Variants in EMP1 observed in about 807,000 individuals in gnomAD.
EMP1 encodes epithelial membrane protein 1, also known as tumor-associated membrane protein.
Under a neutral mutation model 15.7 loss-of-function variants are expected in EMP1, and 5 were observed. The ratio of observed to expected loss-of-function variants is 0.32; its 90% CI spans 0.17 to 0.67. The LOEUF (loss-of-function observed/expected upper bound fraction) is 0.67. EMP1 is among the 30% of genes least tolerant of loss of function. The probability of loss-of-function intolerance (pLI) is 0.74; values close to 1 mark genes in which losing one functional copy is unlikely to be tolerated. For missense variants in EMP1, 166 were observed against 194.2 expected, an observed-to-expected ratio of 0.85 and a Z score of 0.86; for synonymous variants, 78 against 76.7, an observed-to-expected ratio of 1.02 and a Z score of -0.09.
chr12:13,213,083 G>T (rs776177306), intron 2 of EMP1, among the ~76,000 whole-genome samples: 2 of 152,150 alleles, frequency 1.3e-5, no homozygotes, highest in Non-Finnish European at 2.9e-5. Flanking sequence ...GTTAACCAGG[G>T]ACTTAAATGA....
rs1249907813 is a variant in EMP1, at chr12:13,211,841, T to C, written c.78+253T>C. Reference sequence around the variant, plus strand: ...GGAGGATCTAGTGCAGCTTCTTCGGTCTCTAGAAGAGCCTTCCCAGCAGCA... The same window carrying C: ...GGAGGATCTAGTGCAGCTTCTTCGGCCTCTAGAAGAGCCTTCCCAGCAGCA... On this transcript the variant is annotated intron_variant, in intron 2 of 4. Transcript: ENST00000256951. The surrounding 1 kb of genome is among the most constrained non-coding windows in gnomAD (Gnocchi z 4.7). The C allele has an allele frequency of 2.0e-6, 1 of 488,804 alleles. No individual in the cohort carries two copies. The highest frequency in any genetic ancestry group is 2.0e-5 in the African/African-American group (1 of 50,958). The allele number at this position is 488,804 out of a possible 1,614,324, so 30.3% of individuals were successfully genotyped here.
chr12:13,198,824 G>A (rs193187624), intron 1 of EMP1, among the ~76,000 whole-genome samples: 1 of 152,294 alleles, frequency 6.6e-6, no homozygotes, highest in East Asian at 1.9e-4. Context: ...AGACAATTTA[G>A]AAAAATACCG....
At chr12:13,207,684 TC>T (rs1864122559) in intron 1 of EMP1, among the ~76,000 whole-genome samples, 1 of 152,146 alleles carries the variant, frequency 6.6e-6, no homozygotes, top group South Asian at 2.1e-4. Context: ...TTCCTCAGTT[TC>T]CCACCCAGCC....
rs1250444347 is a variant in EMP1 at position 13,216,509 on chromosome 12, T to C, written c.*1818T>C. 3 of 700,082 alleles carry C rather than the reference T, an allele frequency of 4.3e-6. No homozygotes were observed. The highest frequency in any genetic ancestry group is 1.7e-5 in the African/African-American group (1 of 57,300). 43.4% of individuals were successfully genotyped at this position (700,082 alleles called of 1,614,324 possible). ...GAAGGCTGTCTTAGTGCAAAAAACA[T>C]ACTTACATTTCAGACATATCCAAAG... On this transcript the variant is annotated 3_prime_UTR_variant, in exon 5 of 5. Coordinates refer to ENST00000256951, the MANE Select transcript of EMP1 (RefSeq NM_001423.3).
intron 1 of EMP1, among the ~76,000 whole-genome samples, chr12:13,204,014 A>G (rs1050502877): frequency 6.6e-6 from 1 of 152,164 alleles, no homozygotes; most frequent in Non-Finnish European, 1.5e-5. Flanking sequence ...ACCCCCATTT[A>G]TAATAGCCTG....
chr12:13,201,620 T>C (rs1014752024), intron 1 of EMP1, among the ~76,000 whole-genome samples: 23 of 152,150 alleles, frequency 1.5e-4, no homozygotes, highest in Non-Finnish European at 3.1e-4. Flanking sequence ...CTGGGTGCCT[T>C]GAGGACCCAC....
chr12:13,212,286 G>A lies in EMP1; in HGVS notation c.78+698G>A, dbSNP rs968536925. ...CTGACCTCTAGTGGTGGCTTACAGC[G>A]CCCAATTTGCTTTTACTTGTGCTTT... On this transcript the variant is annotated intron_variant, in intron 2 of 4. Coordinates refer to ENST00000256951, the MANE Select transcript of EMP1 (RefSeq NM_001423.3). Among the ~76,000 whole-genome samples, 16 of 152,208 alleles carry A rather than the reference G, an allele frequency of 1.1e-4. No homozygotes were observed. The East Asian group carries it at 1.9e-3, about 18-fold the overall frequency.
intron 1 of EMP1, among the ~76,000 whole-genome samples, chr12:13,208,779 T>C (rs934758631): frequency 6.6e-6 from 1 of 152,166 alleles, no homozygotes; most frequent in African/African-American, 2.4e-5. Context: ...AGAGAGTCGC[T>C]CTTTTGCTTG....
At position 13,211,633 on chromosome 12, in the gene EMP1, G is replaced by A. The variant is rs777789612; in HGVS notation, c.78+45G>A. ...TCATTCATTCATTGAGAAATCATTCGAATATTTACATCAAGTGCACAAAAG... is the reference window on the plus strand; with the variant it reads ...TCATTCATTCATTGAGAAATCATTCAAATATTTACATCAAGTGCACAAAAG... On this transcript the variant is annotated intron_variant, in intron 2 of 4. Transcript: ENST00000256951. This position sits in a 1 kb window ranked among gnomAD's most constrained non-coding sequence, Gnocchi z 4.7. 33 of 1,603,030 alleles carry A rather than the reference G, an allele frequency of 2.1e-5. No homozygotes were observed. The highest frequency in any genetic ancestry group is 1.0e-4 in the South Asian group (9 of 90,276).
rs1324051330 is a variant in EMP1, at chr12:13,211,144, A to G, written c.-42-325A>G. On this transcript the variant is annotated intron_variant, in intron 1 of 4. Transcript: ENST00000256951. This position sits in a 1 kb window ranked among gnomAD's most constrained non-coding sequence, Gnocchi z 4.7. Reference sequence around the variant, plus strand: ...TCAAAGTCCTATTTTTAACCTCTAAAACACAAACAAAATAAAATACGAACA... The same window carrying G: ...TCAAAGTCCTATTTTTAACCTCTAAGACACAAACAAAATAAAATACGAACA... Among the ~76,000 whole-genome samples the G allele has an allele frequency of 1.3e-5, 2 of 152,196 alleles. No individual in the cohort carries two copies. Among genetic ancestry groups the G allele is most frequent in the Non-Finnish European group, 2.9e-5 (2 of 68,028 alleles).
At chr12:13,202,094 TAGAG>T (rs1864071237) in intron 1 of EMP1, among the ~76,000 whole-genome samples, 1 of 151,742 alleles carries the variant, frequency 6.6e-6, no homozygotes, top group African/African-American at 2.4e-5. Flanking sequence ...GCTAAGTGGA[TAGAG>T]AAAGACAGAA....
At chr12:13,208,014 G>C (rs987369266) in intron 1 of EMP1, among the ~76,000 whole-genome samples, 2 of 152,148 alleles carry the variant, frequency 1.3e-5, no homozygotes, top group African/African-American at 4.8e-5. Flanking sequence ...CTTGGTTTGC[G>C]CTGCCTCACT....
Position 13,216,661 on chromosome 12 carries a change from A to T in EMP1, c.*1970A>T. The T allele has an allele frequency of 1.8e-6, 1 of 570,472 alleles. No individual in the cohort carries two copies. Among genetic ancestry groups the T allele is most frequent in the East Asian group, 2.9e-5 (1 of 34,080 alleles). The allele number at this position is 570,472 out of a possible 1,614,324, so 35.3% of individuals were successfully genotyped here. On this transcript the variant is annotated 3_prime_UTR_variant, in exon 5 of 5. Coordinates refer to ENST00000256951, the MANE Select transcript of EMP1 (RefSeq NM_001423.3). ...TTGCATTACTCTGGTGGATTGTTCT[A>T]GTACTGTATTGGGCTTCTTCGTTAA...
In EMP1 at chr12:13,213,789, T is replaced by G; in HGVS notation, c.284T>G (p.Phe95Cys). The G allele has an allele frequency of 6.2e-7, 1 of 1,614,206 alleles. No individual in the cohort carries two copies. Among genetic ancestry groups the G allele is most frequent in the Non-Finnish European group, 8.5e-7 (1 of 1,180,036 alleles). Residue 95 changes from phenylalanine to cysteine, a missense_variant, in exon 4 of 5, where the codon TTC becomes TGC. Physicochemically the swap from Phe to Cys is radical, Grantham distance 205. Transcript: ENST00000256951. ...QLFTMEKGNR[F>C]FLSGATTLVC... ...TTCACCATGGAGAAGGGAAACCGGT[T>G]CTTCCTCTCAGGGGCCACCACACTG... is the stretch of plus-strand genomic sequence containing the variant.
At chr12:13,208,976 C>A (rs1864138632) in intron 1 of EMP1, 1 of 152,128 alleles carries the variant, frequency 6.6e-6, no homozygotes, top group Non-Finnish European at 1.5e-5. Flanking sequence ...TTAGGGGTTA[C>A]AGAGCAACCC....
chr12:13,218,685 A>G lies in EMP1; in HGVS notation c.*3994A>G, dbSNP rs1198383405. On this transcript the variant is annotated 3_prime_UTR_variant, in exon 5 of 5. Coordinates refer to ENST00000256951, the MANE Select transcript of EMP1 (RefSeq NM_001423.3). ...GTGGCTTTGTTTCTGAAAGGGAGACATGTGAAGCCTACTCCTGAGGCGGGA... is the reference window on the plus strand; with the variant it reads ...GTGGCTTTGTTTCTGAAAGGGAGACGTGTGAAGCCTACTCCTGAGGCGGGA... 3 of 152,258 alleles carry G rather than the reference A, an allele frequency of 2.0e-5. No individual in the cohort carries two copies. The highest frequency in any genetic ancestry group is 7.2e-5 in the African/African-American group (3 of 41,450). 9.4% of individuals were successfully genotyped at this position (152,258 alleles called of 1,614,324 possible).
intron 1 of EMP1, among the ~76,000 whole-genome samples, chr12:13,200,232 A>G (rs1864052628): frequency 6.6e-6 from 1 of 152,176 alleles, no homozygotes; most frequent in African/African-American, 2.4e-5. Flanking sequence ...GGTTAGATCA[A>G]TCCAATACCA....
rs1864234957 is a variant in EMP1, at chr12:13,218,653, G to C, written c.*3962G>C. 6.6e-6 allele frequency: 1 copy of C among 152,202 alleles called. No individual in the cohort carries two copies. The allele number at this position is 152,202 out of a possible 1,614,324, so 9.4% of individuals were successfully genotyped here. ...GCCCAAGGGAAGGCGGGGTTTTGGA[G>C]TCTTACGTGGCTTTGTTTCTGAAAG... On this transcript the variant is annotated 3_prime_UTR_variant, in exon 5 of 5. Coordinates refer to ENST00000256951, the MANE Select transcript of EMP1 (RefSeq NM_001423.3).
At chr12:13,200,815 A>G (rs1237825428) in intron 1 of EMP1, among the ~76,000 whole-genome samples, 1 of 152,190 alleles carries the variant, frequency 6.6e-6, no homozygotes, top group African/African-American at 2.4e-5. Context: ...TGGAGATGGC[A>G]TTTCCCTGGA....
Sources: gnomAD v4.1 joint callset for allele counts (sites outside exome capture counted in the v4.1 genomes callset) on GRCh38, gnomAD v4.1.1 for gene constraint, Gnocchi (gnomAD v3.1) non-coding constraint, MANE v1.5 for transcripts, NCBI Gene and HGNC (gene_info 2026-07-23, HGNC 2026-07-21) for gene names.